CNTNAP2: variants seen among roughly 807,000 people sequenced by gnomAD.
CNTNAP2 encodes the protein contactin associated protein 2.
A neutral mutation model predicts 155.2 loss-of-function variants in CNTNAP2; 98 were observed. The observed-to-expected ratio is 0.63, with a 90% CI of 0.54 to 0.75. The LOEUF is 0.75. Among genes scored for constraint, CNTNAP2 ranks in the 30% least tolerant of loss-of-function variants. CNTNAP2 has a pLI of 0.00. For synonymous variants in CNTNAP2, 651 were observed against 631.2 expected (o/e 1.03, Z -0.47); for missense variants, 1,727 against 1,688.1 (o/e 1.02, Z -0.40).
intron 13 of CNTNAP2, among the ~76,000 whole-genome samples, chr7:147,732,226 C>T (rs915633030): frequency 7.7e-6 from 1 of 129,932 alleles, no homozygotes; most frequent in African/African-American, 2.7e-5. Flanking sequence ...TGTGATGTTC[C>T]CCTTCCTGTG....
At chr7:146,715,786 G>A (rs1234728784) in intron 1 of CNTNAP2, among the ~76,000 whole-genome samples, 1 of 152,170 alleles carries the variant, frequency 6.6e-6, no homozygotes, top group Non-Finnish European at 1.5e-5. Flanking sequence ...TTAATTGCCT[G>A]TTTAAAGGAC....
chr7:148,367,094 G>A (rs531289537), intron 21 of CNTNAP2, among the ~76,000 whole-genome samples: 17 of 152,224 alleles, frequency 1.1e-4, no homozygotes, highest in East Asian at 7.7e-4. Flanking sequence ...AGCTGGGCGC[G>A]GTGGTGCATG....
intron 11 of CNTNAP2, among the ~76,000 whole-genome samples, chr7:147,515,689 A>G (rs1038244939): frequency 6.6e-6 from 1 of 152,152 alleles, no homozygotes; most frequent in South Asian, 2.1e-4. Flanking sequence ...CGCAATTAGA[A>G]TGTTAATTAC....
intron 13 of CNTNAP2, among the ~76,000 whole-genome samples, chr7:147,760,440 T>G (rs146894376): frequency 7.4e-4 from 112 of 152,320 alleles, no homozygotes; most frequent in African/African-American, 2.5e-3. Flanking sequence ...TCAGCCACTT[T>G]GAGTAAACGA....
At chr7:146,532,724 A>G (rs1275300116) in intron 1 of CNTNAP2, among the ~76,000 whole-genome samples, 1 of 152,108 alleles carries the variant, frequency 6.6e-6, no homozygotes, top group African/African-American at 2.4e-5. Flanking sequence ...TTTGTTACTC[A>G]GACTCTAGAA....
chr7:148,269,861 G>C (rs1262576747), intron 21 of CNTNAP2, among the ~76,000 whole-genome samples: 1 of 152,178 alleles, frequency 6.6e-6, no homozygotes, highest in African/African-American at 2.4e-5. Context: ...ACTTTAAAAT[G>C]TTAAGTGCTC....
intron 12 of CNTNAP2, among the ~76,000 whole-genome samples, chr7:147,590,504 A>G (rs1800717171): frequency 6.6e-6 from 1 of 152,170 alleles, no homozygotes; most frequent in South Asian, 2.1e-4. Flanking sequence ...CGCCATGATT[A>G]TAAGTTTCCT....
At chr7:147,406,219 G>C (rs1487824719) in intron 10 of CNTNAP2, among the ~76,000 whole-genome samples, 1 of 152,090 alleles carries the variant, frequency 6.6e-6, no homozygotes, top group Non-Finnish European at 1.5e-5. Flanking sequence ...GAGAGGAGGG[G>C]AGGAAGGACA....
At chr7:146,179,792 C>T (rs1410857075) in intron 1 of CNTNAP2, among the ~76,000 whole-genome samples, 2 of 151,988 alleles carry the variant, frequency 1.3e-5, no homozygotes, top group Non-Finnish European at 2.9e-5. Context: ...AGATTAGTGA[C>T]TAAAATGAAA....
At chr7:147,391,230 G>A (rs1227436999) in intron 9 of CNTNAP2, among the ~76,000 whole-genome samples, 1 of 152,156 alleles carries the variant, frequency 6.6e-6, no homozygotes, top group African/African-American at 2.4e-5. Flanking sequence ...CTGGTCCACA[G>A]CAGTTTTGCA....
intron 13 of CNTNAP2, among the ~76,000 whole-genome samples, chr7:147,694,924 G>A (rs1584904358): frequency 1.3e-5 from 2 of 152,026 alleles, no homozygotes; most frequent in African/African-American, 4.8e-5. Flanking sequence ...AACTAAGGCA[G>A]AAGTTTATAT....
chr7:148,205,247 G>A (rs1324284896), intron 18 of CNTNAP2, among the ~76,000 whole-genome samples: 1 of 152,256 alleles, frequency 6.6e-6, no homozygotes, highest in East Asian at 1.9e-4. Context: ...GCAACTTGCT[G>A]CCTATCAACA....
intron 8 of CNTNAP2, among the ~76,000 whole-genome samples, chr7:147,217,935 C>T (rs892869467): frequency 1.3e-5 from 2 of 151,838 alleles, no homozygotes; most frequent in African/African-American, 4.8e-5. Flanking sequence ...TGGACATAGA[C>T]TTGTTCATAA....
chr7:146,906,993 T>C (rs959158490), intron 3 of CNTNAP2, among the ~76,000 whole-genome samples: 3 of 148,942 alleles, frequency 2.0e-5, no homozygotes, highest in African/African-American at 5.0e-5. Flanking sequence ...GCTCGAGAAC[T>C]ACGTGAAGAA....
intron 1 of CNTNAP2, among the ~76,000 whole-genome samples, chr7:146,387,303 A>G (rs1795475298): frequency 6.6e-6 from 1 of 152,184 alleles, no homozygotes. Flanking sequence ...AAACCACCAG[A>G]GAGAACAAGA....
At chr7:148,355,447 A>C (rs1798497674) in intron 21 of CNTNAP2, among the ~76,000 whole-genome samples, 1 of 152,006 alleles carries the variant, frequency 6.6e-6, no homozygotes, top group Non-Finnish European at 1.5e-5. Context: ...CTGTGTTATA[A>C]TAGTTTGCCA....
chr7:148,248,664 T>C (rs1266012149), intron 20 of CNTNAP2, among the ~76,000 whole-genome samples: 1 of 152,242 alleles, frequency 6.6e-6, no homozygotes, highest in Non-Finnish European at 1.5e-5. Flanking sequence ...TCTTGATGGA[T>C]ATGTGGATCA....
intron 13 of CNTNAP2, among the ~76,000 whole-genome samples, chr7:147,784,381 CAT>C (rs60221349): frequency 0.1 from 9,870 of 99,024 alleles, 950 homozygotes; most frequent in African/African-American, 0.19. Flanking sequence ...AAACTAAAAA[CAT>C]ATATATATAT....
intron 3 of CNTNAP2, among the ~76,000 whole-genome samples, chr7:147,032,492 G>T (rs1799054475): frequency 1.3e-5 from 2 of 152,186 alleles, no homozygotes; most frequent in South Asian, 4.1e-4. Context: ...TGGTGGACTT[G>T]AGAATCAGAT....
Sources: allele counts gnomAD v4.1 joint callset (sites outside exome capture counted in the v4.1 genomes callset), GRCh38; gene constraint gnomAD v4.1.1; transcripts MANE v1.5; gene names NCBI Gene and HGNC (gene_info 2026-07-23, HGNC 2026-07-21).